SLC24A3: variants seen among roughly 807,000 people sequenced by gnomAD.
SLC24A3 encodes the protein solute carrier family 24 member 3.
SLC24A3 carries 28 observed loss-of-function variants against 75.8 expected under a neutral mutation model. The observed-to-expected ratio is 0.37, with a 90% CI of 0.27 to 0.51. SLC24A3 has a LOEUF of 0.51. SLC24A3 is among the 20% of genes least tolerant of loss of function. The pLI is 0.94. For synonymous variants in SLC24A3, 372 were observed against 334.1 expected, an observed-to-expected ratio of 1.11 and a Z score of -1.24; for missense variants, 663 against 847.8, an observed-to-expected ratio of 0.78 and a Z score of 2.71.
At chr20:19,506,366 C>T (rs767671132) in intron 2 of SLC24A3, among the ~76,000 whole-genome samples, 40 of 152,140 alleles carry the variant, frequency 2.6e-4, no homozygotes, top group Non-Finnish European at 5.1e-4. Flanking sequence ...ACCTTGTTTT[C>T]ATTCACACAT....
intron 12 of SLC24A3, among the ~76,000 whole-genome samples, chr20:19,686,067 G>A (rs1397091136): frequency 6.6e-6 from 1 of 152,182 alleles, no homozygotes; most frequent in Non-Finnish European, 1.5e-5. Context: ...GAAACTATAA[G>A]CATCAGTTCT....
chr20:19,585,179 A>G (rs2031277990), intron 5 of SLC24A3, 124 bp downstream of exon 5: 3 of 868,688 alleles, frequency 3.5e-6, no homozygotes, highest in Non-Finnish European at 5.4e-6. Context: ...AGGGACCCCA[A>G]TGAGTAGAAC....
At chr20:19,436,736 C>T (rs1218438598) in intron 2 of SLC24A3, among the ~76,000 whole-genome samples, 2 of 152,204 alleles carry the variant, frequency 1.3e-5, no homozygotes, top group East Asian at 3.9e-4. Context: ...ACTCTCTCCC[C>T]ATCTCTACTT....
intron 1 of SLC24A3, among the ~76,000 whole-genome samples, chr20:19,213,660 G>A (rs1374996935): frequency 1.3e-5 from 2 of 152,214 alleles, no homozygotes; most frequent in African/African-American, 2.4e-5. Context: ...AGTGGACCAC[G>A]CATCACACTG....
At chr20:19,697,893 A>G (rs2032828788) in intron 14 of SLC24A3, among the ~76,000 whole-genome samples, 1 of 152,090 alleles carries the variant, frequency 6.6e-6, no homozygotes, top group Admixed American at 6.5e-5. Context: ...AATCCTTGAA[A>G]CCATCTGTAT....
At chr20:19,451,105 G>C (rs1310192153) in intron 2 of SLC24A3, among the ~76,000 whole-genome samples, 1 of 152,218 alleles carries the variant, frequency 6.6e-6, no homozygotes, top group Non-Finnish European at 1.5e-5. Context: ...AGTTTGTGAA[G>C]ATTTATGGAA....
Position 19,370,898 on chromosome 20 carries a change from G to C in SLC24A3, c.271+89811G>C, listed in dbSNP as rs974251034. ...GCTCTGGGCTGTCAGCAGCCTGGTG[G>C]GTCCCGGTGGTGGTTCTCATCCTTT... On this transcript the variant is annotated intron_variant, in intron 2 of 16. Coordinates refer to ENST00000328041, the MANE Select transcript of SLC24A3 (RefSeq NM_020689.4). Among the ~76,000 whole-genome samples the C allele has an allele frequency of 2.0e-5, 3 of 152,286 alleles. No individual in the cohort carries two copies. The East Asian group carries it at 5.8e-4, about 29-fold the overall frequency.
At chr20:19,639,001 G>T (rs1292302433) in intron 6 of SLC24A3, among the ~76,000 whole-genome samples, 1 of 152,100 alleles carries the variant, frequency 6.6e-6, no homozygotes, top group Non-Finnish European at 1.5e-5. Flanking sequence ...ACTGTGGAAG[G>T]GGACCCCAGT....
intron 2 of SLC24A3, among the ~76,000 whole-genome samples, chr20:19,484,069 A>C (rs758411035): frequency 6.6e-6 from 1 of 152,230 alleles, no homozygotes; most frequent in Non-Finnish European, 1.5e-5. Context: ...GGTAGCTGAG[A>C]GGTGGACTCA....
intron 3 of SLC24A3, among the ~76,000 whole-genome samples, chr20:19,562,777 T>C (rs2030894993): frequency 6.6e-6 from 1 of 152,120 alleles, no homozygotes; most frequent in South Asian, 2.1e-4. Context: ...TTTGTACCTA[T>C]CATGAGAACG....
chr20:19,437,216 C>T (rs999982590), intron 2 of SLC24A3, among the ~76,000 whole-genome samples: 3 of 152,090 alleles, frequency 2.0e-5, no homozygotes, highest in African/African-American at 7.2e-5. Context: ...ATTGTAATTC[C>T]CATAATCCCC....
chr20:19,521,196 A>G (rs549342370), intron 3 of SLC24A3, among the ~76,000 whole-genome samples: 1 of 151,548 alleles, frequency 6.6e-6, no homozygotes, highest in African/African-American at 2.4e-5. Context: ...CTCTGCCTCC[A>G]CTCTGGCCCT....
rs1323039617 is a variant in SLC24A3 at position 19,698,551 on chromosome 20, A to G, written c.1607-17A>G. 2.6e-6 allele frequency: 4 copies of G among 1,558,474 alleles called. No individual in the cohort carries two copies. In the East Asian group the frequency reaches 9.5e-5, roughly 37 times the overall value. On this transcript the variant is annotated splice_polypyrimidine_tract_variant and intron_variant, in intron 14 of 16. Coordinates refer to ENST00000328041, the MANE Select transcript of SLC24A3 (RefSeq NM_020689.4). ...TGGGTTCCCTTCCCTCTCTTAAGTG[A>G]CCTCTTGTCCCTGCAGGGATGGGGG...
chr20:19,222,632 GAT>G (rs1981747849), intron 1 of SLC24A3, among the ~76,000 whole-genome samples: 1 of 152,136 alleles, frequency 6.6e-6, no homozygotes, highest in South Asian at 2.1e-4. Flanking sequence ...CTAGACTCAA[GAT>G]ATATTCAGCC....
intron 1 of SLC24A3, among the ~76,000 whole-genome samples, chr20:19,274,434 C>T (rs1330164167): frequency 6.6e-6 from 1 of 152,116 alleles, no homozygotes; most frequent in Non-Finnish European, 1.5e-5. Context: ...CTGTTAGCCT[C>T]TGGCTTCCTC....
At chr20:19,349,201 T>G (rs1438343071) in intron 2 of SLC24A3, among the ~76,000 whole-genome samples, 2 of 152,196 alleles carry the variant, frequency 1.3e-5, no homozygotes, top group Admixed American at 1.3e-4. Flanking sequence ...GCCAGCATAC[T>G]TGCATTGACT....
At chr20:19,232,567 A>G (rs1982054037) in intron 1 of SLC24A3, among the ~76,000 whole-genome samples, 1 of 152,212 alleles carries the variant, frequency 6.6e-6, no homozygotes, top group South Asian at 2.1e-4. Context: ...TGTTAACTGA[A>G]CACCTTTGTG....
At chr20:19,480,137 G>C (rs1349645224) in intron 2 of SLC24A3, among the ~76,000 whole-genome samples, 1 of 152,018 alleles carries the variant, frequency 6.6e-6, no homozygotes, top group Non-Finnish European at 1.5e-5. Flanking sequence ...CTCGTTTTTT[G>C]CTACCTCTTT....
intron 3 of SLC24A3, among the ~76,000 whole-genome samples, chr20:19,575,404 A>C (rs1421208740): frequency 6.6e-6 from 1 of 152,064 alleles, no homozygotes; most frequent in African/African-American, 2.4e-5. Flanking sequence ...AATAGAAGGG[A>C]GGCCAGATAC....
Sources: gnomAD v4.1 joint callset for allele counts (sites outside exome capture counted in the v4.1 genomes callset) on GRCh38, gnomAD v4.1.1 for gene constraint, MANE v1.5 for transcripts, NCBI Gene and HGNC (gene_info 2026-07-23, HGNC 2026-07-21) for gene names.